The following HCN1 variants were observed in gnomAD, a reference collection of about 807,000 sequenced individuals.
HCN1 encodes the protein potassium/sodium hyperpolarization-activated cyclic nucleotide-gated channel 1.
In HCN1, 13 loss-of-function variants were observed where a neutral mutation model predicts 78.9. The observed-to-expected ratio is 0.16, with a 90% confidence interval of 0.11 to 0.26. HCN1 has a LOEUF of 0.26. HCN1 is among the 10% of genes least tolerant of loss of function. The probability of loss-of-function intolerance (pLI) is 1.00; values close to 1 mark genes in which losing one functional copy is unlikely to be tolerated. For synonymous variants in HCN1, 552 were observed against 455.5 expected, an observed-to-expected ratio of 1.21 and a Z score of -2.70; for missense variants, 810 against 1,154.3, an observed-to-expected ratio of 0.70 and a Z score of 4.32.
chr5:45,433,519 C>T (rs1372273806), intron 3 of HCN1, among the ~76,000 whole-genome samples: 1 of 151,688 alleles, frequency 6.6e-6, no homozygotes, highest in East Asian at 1.9e-4. Flanking sequence ...GGTTTTGCTT[C>T]TTTATCCAAC....
intron 5 of HCN1, among the ~76,000 whole-genome samples, chr5:45,311,278 C>T (rs574043535): frequency 1.3e-5 from 2 of 152,240 alleles, no homozygotes; most frequent in African/African-American, 4.8e-5. Context: ...GAAATTCTCT[C>T]TCCAAGGAAT....
At position 45,684,689 on chromosome 5, in the gene HCN1, C is replaced by A. The variant is rs910458436; in HGVS notation, c.425+10980G>T. Among the ~76,000 whole-genome samples, 3 of 152,048 alleles carry A rather than the reference C, an allele frequency of 2.0e-5. No individual in the cohort carries two copies. The South Asian group carries it at 6.2e-4, about 32-fold the overall frequency. ...CAGCCTGACCAACATGGTAAAACCC[C>A]ATCTCTACTGAAAATACAAAAACTA... is the stretch of plus-strand genomic sequence containing the variant. On this transcript the variant is annotated intron_variant, in intron 1 of 7. Transcript: ENST00000303230.
intron 3 of HCN1, among the ~76,000 whole-genome samples, chr5:45,445,879 C>T (rs1294814924): frequency 6.6e-6 from 1 of 152,120 alleles, no homozygotes; most frequent in Admixed American, 6.5e-5. Context: ...ACACCAAAAA[C>T]CCATCTGTAC....
intron 2 of HCN1, among the ~76,000 whole-genome samples, chr5:45,537,104 C>T (rs1470990443): frequency 6.6e-6 from 1 of 152,156 alleles, no homozygotes; most frequent in Non-Finnish European, 1.5e-5. Context: ...CTAAGGTATG[C>T]CCTCTGACAG....
At chr5:45,314,785 T>G (rs956900188) in intron 5 of HCN1, among the ~76,000 whole-genome samples, 2 of 151,998 alleles carry the variant, frequency 1.3e-5, no homozygotes, top group East Asian at 1.9e-4. Context: ...TAAAACAGAC[T>G]TTAAACCAAC....
chr5:45,508,184 T>C (rs142531162), intron 2 of HCN1, among the ~76,000 whole-genome samples: 13 of 152,242 alleles, frequency 8.5e-5, no homozygotes, highest in Non-Finnish European at 1.3e-4. Context: ...ATGTGATGAA[T>C]ATTGAATTGG....
chr5:45,582,981 CT>C (rs58015637), intron 2 of HCN1, among the ~76,000 whole-genome samples: 85,923 of 148,760 alleles, frequency 0.58, 26,014 homozygotes, highest in Middle Eastern at 0.74. Flanking sequence ...CTAAAATTCT[CT>C]TTTTTTTTTT....
At chr5:45,695,589 A>C in intron 1 of HCN1, 80 bp downstream of exon 1, 29 of 1,296,596 alleles carry the variant, frequency 2.2e-5, no homozygotes, top group Middle Eastern at 2.4e-4. Context: ...AGTCCCCGGG[A>C]CGCCCCCCAC....
intron 1 of HCN1, among the ~76,000 whole-genome samples, chr5:45,671,457 C>T (rs1009345522): frequency 4.6e-5 from 7 of 151,314 alleles, no homozygotes; most frequent in Non-Finnish European, 1.0e-4. Context: ...CCCCACACTC[C>T]CACTAGACTG....
In HCN1 at chr5:45,461,769, T is replaced by C. The variant is rs1039414975; in HGVS notation, c.1011+77A>G. 6.5e-6 allele frequency: 8 copies of C among 1,237,100 alleles called. No homozygotes were observed. The African/African-American group carries it at 1.0e-4, about 16-fold the overall frequency. 76.6% of individuals were successfully genotyped at this position (1,237,100 alleles called of 1,614,324 possible). A position where few individuals can be genotyped will look rare whatever the true frequency, so the allele number is the denominator to read the frequency against. On this transcript the variant is annotated intron_variant, in intron 3 of 7. Coordinates refer to ENST00000303230, the MANE Select transcript of HCN1 (RefSeq NM_021072.4). ...AAACATTTATAGAGAAGAAATCAGATCATTGTAACATAATTACTTAAAAGG... is the reference window on the plus strand; with the variant it reads ...AAACATTTATAGAGAAGAAATCAGACCATTGTAACATAATTACTTAAAAGG...
At chr5:45,333,022 ATCATATGGTAGC>A (rs1378944674) in intron 5 of HCN1, among the ~76,000 whole-genome samples, 1 of 151,728 alleles carries the variant, frequency 6.6e-6, no homozygotes, top group Non-Finnish European at 1.5e-5. Context: ...GGATTGCTGG[ATCATATGGTAGC>A]TCAATTTTTA....
At chr5:45,690,451 T>C (rs1739887660) in intron 1 of HCN1, among the ~76,000 whole-genome samples, 1 of 152,078 alleles carries the variant, frequency 6.6e-6, no homozygotes, top group Non-Finnish European at 1.5e-5. Context: ...TCTTTACTTC[T>C]ATATATATTC....
chr5:45,352,285 G>A (rs62367550), intron 5 of HCN1, among the ~76,000 whole-genome samples: 17 of 151,036 alleles, frequency 1.1e-4, no homozygotes, highest in Non-Finnish European at 1.8e-4. Flanking sequence ...ACAAAAAATC[G>A]AACACCGCAT....
chr5:45,396,832 G>T, intron 3 of HCN1, 122 bp from the exon 4 acceptor site: 1 of 764,744 alleles, frequency 1.3e-6, no homozygotes, highest in Admixed American at 2.0e-5. Flanking sequence ...TTACAATGGA[G>T]CATTTACAAA....
chr5:45,578,640 T>G (rs1743994971), intron 2 of HCN1, among the ~76,000 whole-genome samples: 1 of 152,042 alleles, frequency 6.6e-6, no homozygotes, highest in African/African-American at 2.4e-5. Context: ...ATATTCTAAG[T>G]GCTTTACATT....
intron 3 of HCN1, among the ~76,000 whole-genome samples, chr5:45,444,087 C>A (rs1740736191): frequency 1.3e-5 from 2 of 152,052 alleles, no homozygotes; most frequent in Admixed American, 6.6e-5. Context: ...ATAATAAAAT[C>A]TCTTGTTCAA....
At chr5:45,649,410 C>T (rs761609104) in intron 1 of HCN1, among the ~76,000 whole-genome samples, 1 of 152,028 alleles carries the variant, frequency 6.6e-6, no homozygotes, top group Admixed American at 6.6e-5. Flanking sequence ...GATGAACCTA[C>T]ACTGACATCT....
At chr5:45,478,393 A>G (rs1338185544) in intron 2 of HCN1, among the ~76,000 whole-genome samples, 1 of 152,210 alleles carries the variant, frequency 6.6e-6, no homozygotes, top group Non-Finnish European at 1.5e-5. Flanking sequence ...CAGATGCTAA[A>G]CTTTATGACC....
chr5:45,477,403 G>C (rs1266977908), intron 2 of HCN1, among the ~76,000 whole-genome samples: 1 of 152,018 alleles, frequency 6.6e-6, no homozygotes, highest in Non-Finnish European at 1.5e-5. Context: ...TGTGCGTTGA[G>C]AAATAATAGA....
Sources: gnomAD v4.1 joint callset for allele counts (sites outside exome capture counted in the v4.1 genomes callset) on GRCh38, gnomAD v4.1.1 for gene constraint, MANE v1.5 for transcripts, NCBI Gene and HGNC (gene_info 2026-07-23, HGNC 2026-07-21) for gene names.